TECRL: variants seen among roughly 807,000 people sequenced by gnomAD.
TECRL encodes the protein trans-2,3-enoyl-CoA reductase like.
TECRL carries 63 observed loss-of-function variants against 52.8 expected under a neutral mutation model. The ratio of observed to expected loss-of-function variants is 1.19; its 90% confidence interval spans 0.97 to 1.47. The LOEUF (loss-of-function observed/expected upper bound fraction) is 1.47. TECRL is among the 40% of genes most tolerant of loss of function. The probability of loss-of-function intolerance (pLI) is 0.00; values close to 1 mark genes in which losing one functional copy is unlikely to be tolerated. For missense variants in TECRL, 482 were observed against 429.6 expected (o/e 1.12, Z -1.08); for synonymous variants, 164 against 141.9 (o/e 1.16, Z -1.10).
chr4:64,319,378 G>T (rs1295729664), intron 4 of TECRL, among the ~76,000 whole-genome samples: 1 of 151,694 alleles, frequency 6.6e-6, no homozygotes, highest in African/African-American at 2.4e-5. Flanking sequence ...AGAACTCCAG[G>T]ACCTACAACT....
chr4:64,381,047 A>G lies in TECRL; in HGVS notation c.235-5824T>C, dbSNP rs541318120. ...ATCCATTAGCATCAGATGTCTTTCC[A>G]TTTGTTTGTGTCCTCTTCAATTTCT... is the stretch of plus-strand genomic sequence containing the variant. On this transcript the variant is annotated intron_variant, in intron 1 of 11. Transcript: ENST00000381210. Among the ~76,000 whole-genome samples the G allele has an allele frequency of 4.6e-5, 7 of 152,154 alleles. No homozygotes were observed. The South Asian group carries it at 1.2e-3, about 27-fold the overall frequency.
intron 2 of TECRL, among the ~76,000 whole-genome samples, chr4:64,365,896 T>G (rs879881553): frequency 1.3e-5 from 2 of 152,102 alleles, no homozygotes; most frequent in Non-Finnish European, 2.9e-5. Context: ...CTAAAATTTA[T>G]GTAAAACCAA....
At position 64,305,227 on chromosome 4, in the gene TECRL, A is replaced by C; in HGVS notation, c.669T>G (p.Phe223Leu). The C allele has an allele frequency of 6.2e-7, 1 of 1,613,036 alleles. No homozygotes were observed. Among genetic ancestry groups the C allele is most frequent in the South Asian group, 1.1e-5 (1 of 91,042 alleles). ...PLKNLIMSCA[F>L]YWGFTSWIAY... is the part of the protein sequence containing the mutation. ...CAATCCAAGAAGTAAATCCCCAGTA[A>C]AAGGCACAACTCTGCAAACAAAACA... The change falls in exon 7 of 12, where the codon TTT becomes TTG. Residue 223 changes from phenylalanine to leucine, a missense_variant. By Grantham distance (22) the Phe-to-Leu change is conservative. Coordinates refer to ENST00000381210, the MANE Select transcript of TECRL (RefSeq NM_001010874.5).
At chr4:64,334,199 A>G (rs992783918) in intron 2 of TECRL, among the ~76,000 whole-genome samples, 2 of 152,024 alleles carry the variant, frequency 1.3e-5, no homozygotes, top group African/African-American at 4.8e-5. Flanking sequence ...TTAAGTAATA[A>G]ACATCAAATA....
intron 7 of TECRL, among the ~76,000 whole-genome samples, chr4:64,303,244 A>T (rs1443960165): frequency 6.6e-6 from 1 of 151,612 alleles, no homozygotes; most frequent in African/African-American, 2.4e-5. Context: ...TTTACAGAAA[A>T]AAAACAATAA....
At chr4:64,345,182 C>A (rs1464418186) in intron 2 of TECRL, among the ~76,000 whole-genome samples, 3 of 152,066 alleles carry the variant, frequency 2.0e-5, no homozygotes, top group East Asian at 1.9e-4. Context: ...ACCATTTGAC[C>A]CAGCCATCCC....
In TECRL at chr4:64,349,248, T is replaced by C. The variant is rs577740308; in HGVS notation, c.287-20692A>G. On this transcript the variant is annotated intron_variant, in intron 2 of 11. Transcript: ENST00000381210. ...CCTGGGTTCAAGCAATTCTCCTGCC[T>C]CAACCTCCCGAGTAGCTGGCATTAC... is the stretch of plus-strand genomic sequence containing the variant. Among the ~76,000 whole-genome samples the C allele has an allele frequency of 2.0e-5, 3 of 151,760 alleles. No homozygotes were observed. In the East Asian group the frequency reaches 5.8e-4, roughly 30 times the overall value.
rs1722680471 is a variant in TECRL at position 64,278,907 on chromosome 4, A to T, written c.*1165T>A. 1 of 152,224 alleles carries T rather than the reference A, an allele frequency of 6.6e-6. No homozygotes were observed. The highest frequency in any genetic ancestry group is 1.5e-5 in the Non-Finnish European group (1 of 68,028). The allele number at this position is 152,224 out of a possible 1,614,324, so 9.4% of individuals were successfully genotyped here. On this transcript the variant is annotated 3_prime_UTR_variant, in exon 12 of 12. Coordinates refer to ENST00000381210, the MANE Select transcript of TECRL (RefSeq NM_001010874.5). ...TTGTTTCACTTAACATATGCCCTCC[A>T]ATTCCATCCATGTTGTCCTGAATGA... is the stretch of plus-strand genomic sequence containing the variant.
downstream of TECRL, chr4:64,277,113 C>T (rs986773900): frequency 2.4e-6 from 3 of 1,238,000 alleles, no homozygotes; most frequent in Non-Finnish European, 3.4e-6. Context: ...TATCCTTTAA[C>T]TAAGGTATGT....
intron 9 of TECRL, 132 bp from the exon 10 acceptor site, chr4:64,281,691 T>A (rs1402720436): frequency 5.7e-6 from 3 of 527,582 alleles, no homozygotes; most frequent in Non-Finnish European, 1.0e-5. Flanking sequence ...TATAGTAACC[T>A]ATTTTGCAAA....
chr4:64,362,042 G>A (rs539149955), intron 2 of TECRL, among the ~76,000 whole-genome samples: 2 of 152,148 alleles, frequency 1.3e-5, no homozygotes, highest in East Asian at 3.9e-4. Context: ...ATTCACTACA[G>A]GAATTTCAAA....
intron 2 of TECRL, among the ~76,000 whole-genome samples, chr4:64,359,405 T>C (rs1721014602): frequency 6.6e-6 from 1 of 152,020 alleles, no homozygotes; most frequent in Admixed American, 6.6e-5. Flanking sequence ...TCAAATAGAA[T>C]AAATGATTCT....
In TECRL at chr4:64,390,293, C is replaced by G. The variant is rs373943463; in HGVS notation, c.235-15070G>C. On this transcript the variant is annotated intron_variant, in intron 1 of 11. Coordinates refer to ENST00000381210, the MANE Select transcript of TECRL (RefSeq NM_001010874.5). ...TTAACCTCACAAGGTTATAAATGTT[C>G]AAATCGCTGTGTTCCCTCTCTGGGC... Among the ~76,000 whole-genome samples the G allele has an allele frequency of 3.0e-4, 45 of 151,980 alleles. No individual in the cohort carries two copies. The South Asian group carries it at 9.1e-3, about 31-fold the overall frequency.
chr4:64,392,853 T>G (rs1486691701), intron 1 of TECRL, among the ~76,000 whole-genome samples: 9 of 151,964 alleles, frequency 5.9e-5, no homozygotes, highest in African/African-American at 2.2e-4. Context: ...TGACCTGGAT[T>G]TTCATCTTTC....
intron 1 of TECRL, among the ~76,000 whole-genome samples, chr4:64,375,485 T>C (rs1722336019): frequency 6.6e-6 from 1 of 152,004 alleles, no homozygotes; most frequent in African/African-American, 2.4e-5. Flanking sequence ...CTAAGATATA[T>C]TTTTGAATTT....
chr4:64,349,702 A>G lies in TECRL; in HGVS notation c.287-21146T>C, dbSNP rs557801132. Reference sequence around the variant, plus strand: ...AATTGAGAACTATGGAGTAAGTCTTAGGAATATATCACATTATGTTGTGGT... The same window carrying G: ...AATTGAGAACTATGGAGTAAGTCTTGGGAATATATCACATTATGTTGTGGT... On this transcript the variant is annotated intron_variant, in intron 2 of 11. Coordinates refer to ENST00000381210, the MANE Select transcript of TECRL (RefSeq NM_001010874.5). 5.9e-5 allele frequency among the ~76,000 whole-genome samples: 9 copies of G among 152,334 alleles called. No individual in the cohort carries two copies. In the South Asian group the frequency reaches 1.9e-3, roughly 32 times the overall value.
At chr4:64,346,243 G>T (rs2109552496) in intron 2 of TECRL, among the ~76,000 whole-genome samples, 1 of 152,324 alleles carries the variant, frequency 6.6e-6, no homozygotes, top group East Asian at 1.9e-4. Flanking sequence ...CAAGCTGTCA[G>T]TGGATCTACC....
chr4:64,311,985 A>G (rs1201602267), intron 5 of TECRL, among the ~76,000 whole-genome samples: 1 of 152,186 alleles, frequency 6.6e-6, no homozygotes, highest in African/African-American at 2.4e-5. Context: ...GTTGAAGAAG[A>G]TAAGGAAATG....
At chr4:64,349,355 A>G (rs1279996477) in intron 2 of TECRL, among the ~76,000 whole-genome samples, 1 of 151,854 alleles carries the variant, frequency 6.6e-6, no homozygotes, top group Non-Finnish European at 1.5e-5. Context: ...CTGGTCTCAA[A>G]CTCCTGACTT....
Sources: gnomAD v4.1 joint callset for allele counts (sites outside exome capture counted in the v4.1 genomes callset) on GRCh38, gnomAD v4.1.1 for gene constraint, MANE v1.5 for transcripts, NCBI Gene and HGNC (gene_info 2026-07-23, HGNC 2026-07-21) for gene names.